The following LMBR1 variants were observed in gnomAD, a reference collection of about 807,000 sequenced individuals.
LMBR1 encodes limb region 1 protein homolog.
LMBR1 carries 52 observed loss-of-function variants against 73.9 expected under a neutral mutation model. The observed-to-expected ratio is 0.70, with a 90% CI of 0.56 to 0.89. LMBR1 has a LOEUF of 0.89. LMBR1 is among the 40% of genes least tolerant of loss of function. The pLI is 0.00. For missense variants in LMBR1, 539 were observed against 579.8 expected (o/e 0.93, Z 0.72); for synonymous variants, 215 against 209.4 (o/e 1.03, Z -0.23).
At chr7:156,697,838 C>T (rs1808662682) in intron 15 of LMBR1, among the ~76,000 whole-genome samples, 1 of 152,202 alleles carries the variant, frequency 6.6e-6, no homozygotes, top group African/African-American at 2.4e-5. Context: ...AGGTGACATA[C>T]ATCGTCTGCT....
chr7:156,841,487 A>G (rs1259556685), intron 1 of LMBR1, among the ~76,000 whole-genome samples: 4 of 152,182 alleles, frequency 2.6e-5, no homozygotes, highest in Non-Finnish European at 5.9e-5. Context: ...AGAGCTCTCA[A>G]ATATTTAGAA....
intron 15 of LMBR1, among the ~76,000 whole-genome samples, chr7:156,697,681 A>G (rs1192190898): frequency 6.6e-6 from 1 of 152,196 alleles, no homozygotes. Flanking sequence ...CCGACCCCGC[A>G]GGCAGTCAGA....
At chr7:156,739,822 C>T (rs1362408911) in intron 9 of LMBR1, among the ~76,000 whole-genome samples, 1 of 152,114 alleles carries the variant, frequency 6.6e-6, no homozygotes, top group African/African-American at 2.4e-5. Flanking sequence ...AAATACTTAA[C>T]TCTTCAATGC....
chr7:156,810,840 GCT>G (rs1291062459), intron 4 of LMBR1, among the ~76,000 whole-genome samples: 8 of 151,442 alleles, frequency 5.3e-5, no homozygotes, highest in Admixed American at 1.3e-4. Context: ...ATGGAGTGTT[GCT>G]CTGTCACCCA....
chr7:156,675,938 G>C (rs1803859695), downstream of LMBR1: 1 of 1,433,580 alleles, frequency 7.0e-7, no homozygotes, highest in Non-Finnish European at 9.6e-7. Flanking sequence ...GGCATGTGGG[G>C]GGAGGTCGAG....
intron 4 of LMBR1, among the ~76,000 whole-genome samples, chr7:156,806,191 T>C (rs960959868): frequency 1.3e-5 from 2 of 152,176 alleles, no homozygotes; most frequent in African/African-American, 4.8e-5. Flanking sequence ...TAGTTTATAG[T>C]ACTTAGGTCT....
At chr7:156,801,686 C>A (rs776696004) in intron 4 of LMBR1, among the ~76,000 whole-genome samples, 1 of 152,160 alleles carries the variant, frequency 6.6e-6, no homozygotes, top group Non-Finnish European at 1.5e-5. Flanking sequence ...CACATGCCAC[C>A]GTGCCAGGCT....
intron 3 of LMBR1, among the ~76,000 whole-genome samples, chr7:156,828,616 T>C (rs530471444): frequency 6.6e-6 from 1 of 152,308 alleles, no homozygotes; most frequent in South Asian, 2.1e-4. Flanking sequence ...AAAAAAGCCA[T>C]ATCTACAGAT....
At chr7:156,763,894 G>A (rs1823599625) in intron 5 of LMBR1, 99 bp from the exon 6 acceptor site, 1 of 899,692 alleles carries the variant, frequency 1.1e-6, no homozygotes, top group Non-Finnish European at 1.6e-6. Flanking sequence ...CCCTTGGAAG[G>A]AGAGGAAATT....
At chr7:156,818,961 T>A (rs767988630) in intron 4 of LMBR1, among the ~76,000 whole-genome samples, 6 of 152,202 alleles carry the variant, frequency 3.9e-5, no homozygotes, top group Non-Finnish European at 7.3e-5. Flanking sequence ...ACCCACACTG[T>A]GTGAATGACA....
chr7:156,674,689 A>G (rs1803401433), downstream of LMBR1, among the ~76,000 whole-genome samples: 1 of 152,122 alleles, frequency 6.6e-6, no homozygotes, highest in Non-Finnish European at 1.5e-5. Context: ...AACCAAACAA[A>G]AATACCAAAA....
chr7:156,675,714 C>T (rs1359345441), downstream of LMBR1: 8 of 1,613,276 alleles, frequency 5.0e-6, no homozygotes, highest in South Asian at 2.2e-5. Context: ...AATCAGCCAC[C>T]GCATCCTGTG....
chr7:156,859,625 TAAAACTAC>T (rs1797461090), intron 1 of LMBR1, among the ~76,000 whole-genome samples: 2 of 151,616 alleles, frequency 1.3e-5, no homozygotes, highest in African/African-American at 4.8e-5. Flanking sequence ...TACTTGGATA[TAAAACTAC>T]AAAACTCTGA....
intron 5 of LMBR1, among the ~76,000 whole-genome samples, chr7:156,767,451 CA>C (rs1563313921): frequency 6.6e-6 from 1 of 151,878 alleles, no homozygotes; most frequent in Non-Finnish European, 1.5e-5. Flanking sequence ...TAAGAAGTGA[CA>C]TTCAGATGAG....
intron 5 of LMBR1, among the ~76,000 whole-genome samples, chr7:156,789,016 C>T (rs916038892): frequency 2.0e-5 from 3 of 152,180 alleles, no homozygotes; most frequent in Non-Finnish European, 4.4e-5. Flanking sequence ...CATTGCACTC[C>T]AGCCTGGGTG....
rs142287835 is a variant in LMBR1 at position 156,779,248 on chromosome 7, A to C, written c.424-15453T>G. 4.6e-5 allele frequency among the ~76,000 whole-genome samples: 7 copies of C among 152,258 alleles called. No individual in the cohort carries two copies. The highest frequency in any genetic ancestry group is 3.4e-3 in the Middle Eastern group (1 of 294). Reference sequence around the variant, plus strand: ...GAACACTTATCCTGCCATCCCCCACAAAAAAACCCGTTAAGTTTAAATTAC... The same window carrying C: ...GAACACTTATCCTGCCATCCCCCACCAAAAAACCCGTTAAGTTTAAATTAC... On this transcript the variant is annotated intron_variant, in intron 5 of 16. Transcript: ENST00000353442.
intron 9 of LMBR1, among the ~76,000 whole-genome samples, chr7:156,734,528 C>T (rs1432790238): frequency 1.3e-5 from 2 of 152,064 alleles, no homozygotes; most frequent in East Asian, 1.9e-4. Flanking sequence ...GGATAAAAAA[C>T]GACATATTGG....
At chr7:156,877,273 CA>C (rs869046249) in intron 1 of LMBR1, among the ~76,000 whole-genome samples, 33 of 135,580 alleles carry the variant, frequency 2.4e-4, no homozygotes, top group Admixed American at 2.9e-4. Flanking sequence ...TAAAAATTAC[CA>C]AAAAAAAAAA....
intron 1 of LMBR1, among the ~76,000 whole-genome samples, chr7:156,881,805 G>A (rs1411057409): frequency 2.7e-5 from 4 of 146,340 alleles, no homozygotes; most frequent in African/African-American, 7.8e-5. Context: ...GGATGGCTAT[G>A]ATTAAAAAAA....
Sources: gnomAD v4.1 joint callset for allele counts (sites outside exome capture counted in the v4.1 genomes callset) on GRCh38, gnomAD v4.1.1 for gene constraint, MANE v1.5 for transcripts, NCBI Gene and HGNC (gene_info 2026-07-23, HGNC 2026-07-21) for gene names.